Variants in SMG5 observed in about 807,000 individuals in gnomAD.
The protein encoded by SMG5 is SMG5 nonsense mediated mRNA decay factor.
In SMG5, 53 loss-of-function variants were observed where a neutral mutation model predicts 122.9. The observed-to-expected ratio is 0.43, with a 90% CI of 0.35 to 0.54. SMG5 has a LOEUF of 0.54. SMG5 is among the 20% of genes least tolerant of loss of function. The pLI is 0.01. For synonymous variants in SMG5, 477 were observed against 490.2 expected (o/e 0.97, Z 0.35); for missense variants, 1,153 against 1,285.6 (o/e 0.90, Z 1.58).
intron 5 of SMG5, among the ~76,000 whole-genome samples, chr1:156,274,381 G>T (rs1662583154): frequency 6.6e-6 from 1 of 152,188 alleles, no homozygotes; most frequent in African/African-American, 2.4e-5. Flanking sequence ...AAAGCTCAAA[G>T]AAATTTCCCT....
In SMG5 at chr1:156,268,401, A is replaced by G; in HGVS notation, c.728T>C (p.Val243Ala). The G allele has an allele frequency of 6.2e-7, 1 of 1,614,018 alleles. No individual in the cohort carries two copies. ...YCYLRCIQSE[V>A]SFEGAYGNLK... Reference sequence around the variant, plus strand: ...GTTCCCATAGGCTCCCTCAAAGGACACTTCTGACTGGATGCTGTAAGAGAT... The same window carrying G: ...GTTCCCATAGGCTCCCTCAAAGGACGCTTCTGACTGGATGCTGTAAGAGAT... Residue 243 changes from valine (V) to alanine (A), a missense_variant, in exon 8 of 22, where the codon GTG (valine) becomes GCG (alanine). Physicochemically the swap from Val to Ala is moderately conservative, Grantham distance 64. Transcript: ENST00000361813.
upstream of SMG5, among the ~76,000 whole-genome samples, chr1:156,283,818 C>G (rs182759309): frequency 1.0e-3 from 159 of 152,306 alleles, 1 homozygote; most frequent in African/African-American, 3.8e-3. Flanking sequence ...GATTTCCCAT[C>G]AGGTTTCAGC....
At chr1:156,270,547 G>C (rs74996533) in intron 7 of SMG5, among the ~76,000 whole-genome samples, 10 of 152,312 alleles carry the variant, frequency 6.6e-5, no homozygotes, top group Admixed American at 1.3e-4. Flanking sequence ...TAAACCATGA[G>C]AGAGAATTGT....
At position 156,282,748 on chromosome 1, in the gene SMG5, C is replaced by G; in HGVS notation, c.-68G>C. The G allele has an allele frequency of 3.4e-6, 5 of 1,480,802 alleles. No homozygotes were observed. The highest frequency in any genetic ancestry group is 4.4e-5 in the Admixed American group (2 of 45,916). 91.7% of individuals were successfully genotyped at this position (1,480,802 alleles called of 1,614,324 possible). A position where few individuals can be genotyped will look rare whatever the true frequency, so the allele number is the denominator to read the frequency against. ...CACCCACCACTACCGCCAACACTGCCGTCTCCGGCCGTAGCCGCAGCCGCC... is the reference window on the plus strand; with the variant it reads ...CACCCACCACTACCGCCAACACTGCGGTCTCCGGCCGTAGCCGCAGCCGCC... On this transcript the variant is annotated 5_prime_UTR_variant, in exon 1 of 22. Coordinates refer to ENST00000361813, the MANE Select transcript of SMG5 (RefSeq NM_015327.3).
chr1:156,258,880 C>T, intron 16 of SMG5, 125 bp downstream of exon 16: 1 of 1,206,674 alleles, frequency 8.3e-7, no homozygotes, highest in Non-Finnish European at 1.1e-6. Context: ...CCTCCCCTCC[C>T]CTCTCCCTAG....
Position 156,274,627 on chromosome 1 carries a change from G to A in SMG5, c.514C>T (p.His172Tyr), listed in dbSNP as rs764756801. Residue 172 changes from histidine (H) to tyrosine (Y), a missense_variant, in exon 5 of 22, where the codon CAC (histidine) becomes TAC (tyrosine). Transcript: ENST00000361813. ...KEMDWAQMAC[H>Y]RCLVYLGDLS... ...TCCCCCAGATACACCAGACATCGGT[G>A]ACATGCCATCTGTGCCCAATCCATC... 3 of 1,613,928 alleles carry A rather than the reference G, an allele frequency of 1.9e-6. No individual in the cohort carries two copies. Among genetic ancestry groups the A allele is most frequent in the Admixed American group, 1.7e-5 (1 of 60,008 alleles).
At chr1:156,286,434 A>G (rs1558251604), upstream of SMG5, 1 of 1,614,116 alleles carries the variant, frequency 6.2e-7, no homozygotes, top group Non-Finnish European at 8.5e-7. Flanking sequence ...GATACCCTCA[A>G]ACTGCTCCCT....
intron 16 of SMG5, among the ~76,000 whole-genome samples, chr1:156,257,928 G>C (rs892547641): frequency 6.6e-6 from 1 of 152,204 alleles, no homozygotes; most frequent in Non-Finnish European, 1.5e-5. Flanking sequence ...ACTTAGCTCA[G>C]GGTGGTGTGT....
intron 5 of SMG5, 53 bp from the exon 6 acceptor site, chr1:156,273,503 C>A (rs1369950218): frequency 9.1e-6 from 14 of 1,533,668 alleles, no homozygotes; most frequent in Non-Finnish European, 1.3e-5. Context: ...TTTCAGAAAA[C>A]CCTCCCCCAC....
At chr1:156,291,446 A>T in the SMG5 span, 42 of 1,613,658 alleles carry the variant, frequency 2.6e-5, no homozygotes, top group Non-Finnish European at 3.2e-5. Context: ...CTACGGCCTG[A>T]CGTTTCTGCC....
chr1:156,272,486 T>C (rs1662481239), intron 6 of SMG5, 88 bp from the exon 7 acceptor site: 13 of 1,092,106 alleles, frequency 1.2e-5, no homozygotes, highest in East Asian at 7.8e-5. Flanking sequence ...TCAGAGAACC[T>C]GTAGGGAGAA....
intron 16 of SMG5, among the ~76,000 whole-genome samples, chr1:156,257,224 G>A (rs1340536368): frequency 1.3e-5 from 2 of 152,148 alleles, no homozygotes; most frequent in Non-Finnish European, 2.9e-5. Flanking sequence ...ACAGAGCCCA[G>A]CCTACTGTTT....
chr1:156,253,720 CATG>C, intron 16 of SMG5: 1 of 594,776 alleles, frequency 1.7e-6, no homozygotes. Context: ...CGATGCAGGT[CATG>C]ATGTTCCAGG....
intron 16 of SMG5, among the ~76,000 whole-genome samples, chr1:156,254,737 G>A (rs141504543): frequency 0.01 from 1,547 of 152,078 alleles, 25 homozygotes; most frequent in African/African-American, 0.035. Context: ...GAGCCACAGC[G>A]CCCAGCCCAC....
intron 14 of SMG5, among the ~76,000 whole-genome samples, chr1:156,261,067 G>A (rs747593434): frequency 1.3e-5 from 2 of 152,202 alleles, no homozygotes; most frequent in Admixed American, 6.5e-5. Flanking sequence ...AGCTAGGTCT[G>A]GCTCCCAGGG....
At chr1:156,252,643 G>T in intron 18 of SMG5, 139 bp from the exon 19 acceptor site, 2 of 881,584 alleles carry the variant, frequency 2.3e-6, no homozygotes, top group South Asian at 1.7e-5. Context: ...GGCTCCCAAA[G>T]TTCTCTGAAA....
chr1:156,278,342 T>C (rs1662778559), intron 2 of SMG5, among the ~76,000 whole-genome samples: 1 of 152,014 alleles, frequency 6.6e-6, no homozygotes, highest in African/African-American at 2.4e-5. Context: ...CATTATGCAG[T>C]ATGGCCGACT....
At chr1:156,289,020 G>C in the SMG5 span, among the ~76,000 whole-genome samples, 1 of 152,304 alleles carries the variant, frequency 6.6e-6, no homozygotes, top group South Asian at 2.1e-4. Context: ...CGGCAATAGT[G>C]GCAGGACTAG....
intron 18 of SMG5, 95 bp from the exon 19 acceptor site, chr1:156,252,599 C>A: frequency 7.6e-7 from 1 of 1,315,714 alleles, no homozygotes. Context: ...TCAGTACACT[C>A]TTCAGGCAGA....
Sources: allele counts gnomAD v4.1 joint callset (sites outside exome capture counted in the v4.1 genomes callset), GRCh38; gene constraint gnomAD v4.1.1; transcripts MANE v1.5; gene names NCBI Gene and HGNC (gene_info 2026-07-23, HGNC 2026-07-21).